The following TTN variants were observed in gnomAD, a reference collection of about 807,000 sequenced individuals.
The protein encoded by TTN is connectin.
Under a neutral mutation model 3,223.0 loss-of-function variants are expected in TTN, and 1,525 were observed. The ratio of observed to expected loss-of-function variants is 0.47; its 90% CI spans 0.45 to 0.49. The LOEUF is 0.49. Among genes scored for constraint, TTN ranks in the 20% least tolerant of loss-of-function variants. TTN has a pLI of 0.00. For missense variants in TTN, 40,786 were observed against 43,424.0 expected, an observed-to-expected ratio of 0.94 and a Z score of 5.40; for synonymous variants, 14,094 against 15,161.0, an observed-to-expected ratio of 0.93 and a Z score of 5.17.
In TTN at chr2:178,589,100, A is replaced by G. The variant is rs966304129; in HGVS notation, c.62625T>C (p.Asp20875=). Residue 20875 remains aspartate (D), a synonymous_variant, in exon 304 of 363, where the codon GAT becomes GAC. Coordinates refer to ENST00000589042, the MANE Select transcript of TTN (RefSeq NM_001267550.2). ...AAACAGTACACCTATCACTGGACACATCAACAATTTTCAGATTTCTCACAG... is the reference window on the plus strand; with the variant it reads ...AAACAGTACACCTATCACTGGACACGTCAACAATTTTCAGATTTCTCACAG... ...PGPVRNLKIV[D]VSSDRCTVCW... The G allele has an allele frequency of 1.9e-6, 3 of 1,611,036 alleles. No individual in the cohort carries two copies. In the African/African-American group the frequency reaches 4.0e-5, roughly 21 times the overall value.
At chr2:178,763,635 G>A (rs4894042) in intron 43 of TTN, among the ~76,000 whole-genome samples, 124,420 of 152,042 alleles carry the variant, frequency 0.82, 51,433 homozygotes, top group Middle Eastern at 0.87. Flanking sequence ...CATGACAGAA[G>A]GAGAACGAGA....
rs2154263451 is a variant in TTN at position 178,669,650 on chromosome 2, G to A, written c.35412C>T (p.Val11804=). The A allele has an allele frequency of 1.9e-6, 3 of 1,612,238 alleles. No homozygotes were observed. The highest frequency in any genetic ancestry group is 2.5e-6 in the Non-Finnish European group (3 of 1,179,566). ...TKAPEVPKKI[V]PEEKVREAVL... The stretch of plus-strand genomic sequence containing the variant: ...CAGCTTCACGAACTTTTTCTTCTGG[G>A]ACAATTTTCTTGGGTACTTCGGGTG... The change falls in exon 158 of 363, where the codon GTC becomes GTT. Residue 11804 remains valine, a synonymous_variant. Coordinates refer to ENST00000589042, the MANE Select transcript of TTN (RefSeq NM_001267550.2).
In TTN at chr2:178,536,495, T is replaced by C. The variant is rs1167149103; in HGVS notation, c.100252A>G (p.Ser33418Gly). Residue 33418 changes from serine to glycine, a missense_variant, in exon 357 of 363, where the codon AGT (serine) becomes GGT (glycine). Physicochemically the swap from Ser to Gly is moderately conservative, Grantham distance 56. Transcript: ENST00000589042. Reference sequence around the variant, plus strand: ...TTTCTAATCTTTGCACCTCCATCACTGGCAGGTGGCTTCCAGGCCACAACA... The same window carrying C: ...TTTCTAATCTTTGCACCTCCATCACCGGCAGGTGGCTTCCAGGCCACAACA... The part of the protein sequence containing the change: ...SCVVAWKPPA[S>G]DGGAKIRNYY... 1 of 1,565,762 alleles carries C rather than the reference T, an allele frequency of 6.4e-7. No homozygotes were observed. The highest frequency in any genetic ancestry group is 1.8e-5 in the Admixed American group (1 of 54,878).
At chr2:178,695,474 T>C in intron 114 of TTN, 64 bp from the exon 115 acceptor site, 2 of 1,273,992 alleles carry the variant, frequency 1.6e-6, no homozygotes, top group Non-Finnish European at 1.1e-6. Context: ...AGGTTGTTAA[T>C]TGCAAATGAG....
chr2:178,531,211 G>A lies in TTN; in HGVS notation c.105404C>T (p.Pro35135Leu), dbSNP rs1575228534. The A allele has an allele frequency of 6.2e-7, 1 of 1,613,922 alleles. No individual in the cohort carries two copies. Among genetic ancestry groups the A allele is most frequent in the Non-Finnish European group, 8.5e-7 (1 of 1,179,858 alleles). Residue 35135 changes from proline to leucine, a missense_variant, in exon 358 of 363, where the codon CCA (proline) becomes CTA (leucine). By Grantham distance (98) the Pro-to-Leu change is moderately conservative. Transcript: ENST00000589042. ...TTLAARILTK[P>L]RSMTVYEGES... Reference sequence around the variant, plus strand: ...GCCCTCGTAGACGGTCATGGACCGTGGCTTTGTTAGAATTCTTGCTGCCAA... The same window carrying A: ...GCCCTCGTAGACGGTCATGGACCGTAGCTTTGTTAGAATTCTTGCTGCCAA...
In TTN at chr2:178,704,295, G is replaced by T. The variant is rs756458120; in HGVS notation, c.30075C>A (p.Gly10025=). The T allele has an allele frequency of 8.7e-6, 14 of 1,613,940 alleles. No homozygotes were observed. The highest frequency in any genetic ancestry group is 1.2e-5 in the Non-Finnish European group (14 of 1,179,868). Residue 10025 remains glycine (G), a synonymous_variant, in exon 106 of 363, where the codon GGC becomes GGA. Coordinates refer to ENST00000589042, the MANE Select transcript of TTN (RefSeq NM_001267550.2). ...GTCTACCTTGGGGTTTAAGGATTCT[G>T]CCATTTCTGAACCATTCAGATTTTA... ...PNVKSEWFRN[G]RILKPQGRHK...
rs1316644497 is a variant in TTN at position 178,608,761 on chromosome 2, T to C, written c.52250A>G (p.Glu17417Gly). ...EKKDKTKPDS[E>G]WIVVTSTLRH... ...AAGTGTTGAAGTGACAACAATCCAT[T>C]CTGAGTCGGGTTTTGTCTTGTCTTT... The change falls in exon 274 of 363, where the codon GAA becomes GGA. Residue 17417 changes from glutamate to glycine, a missense_variant. Glu to Gly is a moderately conservative substitution (Grantham distance 98, BLOSUM62 -2). Coordinates refer to ENST00000589042, the MANE Select transcript of TTN (RefSeq NM_001267550.2). The C allele has an allele frequency of 6.2e-7, 1 of 1,612,654 alleles. No homozygotes were observed. Among genetic ancestry groups the C allele is most frequent in the South Asian group, 1.1e-5 (1 of 91,050 alleles).
intron 115 of TTN, 51 bp downstream of exon 115, chr2:178,695,297 A>G (rs1376498862): frequency 3.5e-6 from 5 of 1,448,998 alleles, no homozygotes; most frequent in Non-Finnish European, 2.9e-6. Flanking sequence ...CAAACAAGCC[A>G]TGATAATGAT....
intron 48 of TTN, 83 bp downstream of exon 48, chr2:178,739,058 A>C: frequency 7.1e-7 from 1 of 1,402,294 alleles, no homozygotes; most frequent in East Asian, 2.5e-5. Context: ...GTGGCAGATA[A>C]GTGAAAATTT....
At position 178,611,634 on chromosome 2, in the gene TTN, C is replaced by T. The variant is rs759412469; in HGVS notation, c.50595G>A (p.Gly16865=). 1 of 1,613,030 alleles carries T rather than the reference C, an allele frequency of 6.2e-7. No individual in the cohort carries two copies. The highest frequency in any genetic ancestry group is 2.2e-5 in the East Asian group (1 of 44,682). ...TCCAAGCAATGGCAATGTGTTTTCT[C>T]CCAGCATCAGTCACATGTAGGTCAA... ...PPLDLHVTDA[G]RKHIAIAWKP... is the part of the protein sequence containing the mutation. Residue 16865 remains glycine (G), a synonymous_variant, in exon 269 of 363, where the codon GGG becomes GGA. Coordinates refer to ENST00000589042, the MANE Select transcript of TTN (RefSeq NM_001267550.2).
rs1412856815 is a variant in TTN, at chr2:178,554,570, T to G, written c.88777A>C (p.Ile29593Leu). ...MVSEHLEECI[I>L]TTTKIIKGNE... ...CCTTTGATAATTTTGGTGGTTGTAA[T>G]GATGCACTCTTCCAAATGTTCAGAC... The change falls in exon 332 of 363, where the codon ATT becomes CTT. Residue 29593 changes from isoleucine (I) to leucine (L), a missense_variant. Transcript: ENST00000589042. The G allele has an allele frequency of 1.2e-6, 2 of 1,613,906 alleles. No homozygotes were observed. Among genetic ancestry groups the G allele is most frequent in the Non-Finnish European group, 1.7e-6 (2 of 1,179,840 alleles).
At chr2:178,665,882 G>T in intron 163 of TTN, 91 bp from the exon 164 acceptor site, 1 of 577,700 alleles carries the variant, frequency 1.7e-6, no homozygotes, top group Non-Finnish European at 2.6e-6. Context: ...TTCCAGATGG[G>T]AACCTTCTCC....
intron 156 of TTN, among the ~76,000 whole-genome samples, chr2:178,670,605 G>A (rs530999463): frequency 1.4e-4 from 22 of 151,946 alleles, no homozygotes; most frequent in African/African-American, 3.1e-4. Context: ...GATAACTTAC[G>A]CACATGCTTC....
Position 178,581,710 on chromosome 2 carries a change from G to T in TTN, c.66558C>A (p.Ser22186Arg), listed in dbSNP as rs750211489. 6.2e-7 allele frequency: 1 copy of T among 1,611,068 alleles called. No individual in the cohort carries two copies. Among genetic ancestry groups the T allele is most frequent in the South Asian group, 1.1e-5 (1 of 90,788 alleles). The change falls in exon 316 of 363, where the codon AGC becomes AGA. Residue 22186 changes from serine to arginine, a missense_variant. By Grantham distance (110) the Ser-to-Arg change is moderately radical. Transcript: ENST00000589042. ...CTTCAACGAGATAACCAATGATAGGGCTGCCGCCGTCATAGGCTGGCTTGC... is the reference window on the plus strand; with the variant it reads ...CTTCAACGAGATAACCAATGATAGGTCTGCCGCCGTCATAGGCTGGCTTGC... ...SWGKPAYDGG[S>R]PIIGYLVEVK...
chr2:178,552,886 A>G lies in TTN; in HGVS notation c.90014T>C (p.Phe30005Ser). The G allele has an allele frequency of 6.2e-7, 1 of 1,613,814 alleles. No homozygotes were observed. Among genetic ancestry groups the G allele is most frequent in the Non-Finnish European group, 8.5e-7 (1 of 1,179,808 alleles). The change falls in exon 335 of 363, where the codon TTC (phenylalanine) becomes TCC (serine). Residue 30005 changes from phenylalanine (F) to serine (S), a missense_variant. Coordinates refer to ENST00000589042, the MANE Select transcript of TTN (RefSeq NM_001267550.2). ...IDLSEKTPFF[F>S]RVLAENEIGI... ...AATTTCATTTTCTGCAAGAACTCTGAAGAAGAATGGAGTCTTCTCCGACAA... is the reference window on the plus strand; with the variant it reads ...AATTTCATTTTCTGCAAGAACTCTGGAGAAGAATGGAGTCTTCTCCGACAA...
chr2:178,773,885 G>A lies in TTN; in HGVS notation c.7283C>T (p.Thr2428Ile), dbSNP rs1372427640. The change falls in exon 31 of 363, where the codon ACC becomes ATC. Residue 2428 changes from threonine (T) to isoleucine (I), a missense_variant. Coordinates refer to ENST00000589042, the MANE Select transcript of TTN (RefSeq NM_001267550.2). The part of the protein sequence containing the change: ...TKEDAGNYSF[T>I]IPALGLSTSG... Reference sequence around the variant, plus strand: ...GGTGGAGAGGCCAAGGGCTGGAATGGTGAAAGAGTAATTTCCAGCATCTTC... The same window carrying A: ...GGTGGAGAGGCCAAGGGCTGGAATGATGAAAGAGTAATTTCCAGCATCTTC... 3 of 1,613,954 alleles carry A rather than the reference G, an allele frequency of 1.9e-6. No homozygotes were observed. The highest frequency in any genetic ancestry group is 1.1e-5 in the South Asian group (1 of 91,078).
In TTN at chr2:178,545,624, G is replaced by C. The variant is rs762048345; in HGVS notation, c.95486C>G (p.Thr31829Arg). The part of the protein sequence containing the change: ...TGKEHIIIQW[T>R]KPESDGGNEI... ...ATTGCCACCATCAGATTCAGGTTTT[G>C]TCCACTGAATGATGATATGCTCTTT... The change falls in exon 344 of 363, where the codon ACA becomes AGA. Residue 31829 changes from threonine (T) to arginine (R), a missense_variant. By Grantham distance (71) the Thr-to-Arg change is moderately conservative. Transcript: ENST00000589042. The C allele has an allele frequency of 3.1e-6, 5 of 1,613,590 alleles. No homozygotes were observed. The Admixed American group carries it at 8.3e-5, about 27-fold the overall frequency.
rs1241624792 is a variant in TTN, at chr2:178,534,417, C to T, written c.102198G>A (p.Glu34066=). ...KERKSRMTAS[E]ALQHPWLKQK... ...GCTTCAACCATGGGTGCTGGAGAGCCTCCGATGCTGTCATGCGAGATTTCC... is the reference window on the plus strand; with the variant it reads ...GCTTCAACCATGGGTGCTGGAGAGCTTCCGATGCTGTCATGCGAGATTTCC... Residue 34066 remains glutamate (E), a synonymous_variant, in exon 358 of 363, where the codon GAG becomes GAA. Coordinates refer to ENST00000589042, the MANE Select transcript of TTN (RefSeq NM_001267550.2). 6.2e-7 allele frequency: 1 copy of T among 1,611,768 alleles called. No homozygotes were observed. Among genetic ancestry groups the T allele is most frequent in the Non-Finnish European group, 8.5e-7 (1 of 1,179,820 alleles).
At position 178,636,480 on chromosome 2, in the gene TTN, T is replaced by C. The variant is rs184150158; in HGVS notation, c.41247A>G (p.Gln13749=). ...AGGTGTATTCACCAGCATCGGAAAG[T>C]TGAACATCAATGATGTGCAGCTTTC... is the stretch of plus-strand genomic sequence containing the variant. ...KDRKLHIIDV[Q]LSDAGEYTCV... is the part of the protein sequence containing the mutation. Residue 13749 remains glutamine, a synonymous_variant, in exon 225 of 363, where the codon CAA becomes CAG. Coordinates refer to ENST00000589042, the MANE Select transcript of TTN (RefSeq NM_001267550.2). This position sits in a 1 kb window ranked among gnomAD's most constrained non-coding sequence, Gnocchi z 4.3. 6.2e-7 allele frequency: 1 copy of C among 1,613,394 alleles called. No homozygotes were observed. Among genetic ancestry groups the C allele is most frequent in the East Asian group, 2.2e-5 (1 of 44,760 alleles).
Sources: gnomAD v4.1 joint callset for allele counts (sites outside exome capture counted in the v4.1 genomes callset) on GRCh38, gnomAD v4.1.1 for gene constraint, Gnocchi (gnomAD v3.1) non-coding constraint, MANE v1.5 for transcripts, NCBI Gene and HGNC (gene_info 2026-07-23, HGNC 2026-07-21) for gene names.